The following OSBPL3 variants were observed in gnomAD, a reference collection of about 807,000 sequenced individuals.
OSBPL3 encodes oxysterol binding protein like 3, also known as oxysterol-binding protein-related protein 3.
In OSBPL3, 65 loss-of-function variants were observed where a neutral mutation model predicts 120.1. That is an observed-to-expected ratio of 0.54 (90% CI 0.44 to 0.67). The LOEUF is 0.67. Ranked by LOEUF, OSBPL3 falls within the 30% of genes least tolerant of loss-of-function variation. The pLI is 0.00. For synonymous variants in OSBPL3, 416 were observed against 402.6 expected (o/e 1.03, Z -0.40); for missense variants, 1,004 against 1,082.1 (o/e 0.93, Z 1.01).
intron 1 of OSBPL3, among the ~76,000 whole-genome samples, chr7:24,975,238 A>G (rs1817453844): frequency 6.6e-6 from 1 of 152,230 alleles, no homozygotes; most frequent in Non-Finnish European, 1.5e-5. Flanking sequence ...AATGATTACT[A>G]CATGTGTGAA....
In OSBPL3 at chr7:24,899,420, G is replaced by A. The variant is rs987559458; in HGVS notation, c.-149-6799C>T. On this transcript the variant is annotated intron_variant, in intron 1 of 22. Transcript: ENST00000313367. This position sits in a 1 kb window ranked among gnomAD's most constrained non-coding sequence, Gnocchi z 4.0. The stretch of plus-strand genomic sequence containing the variant: ...AGTTGGGCTTCCTTCTTTCTGAAGC[G>A]GACTCCTTTACTTCCTTTAACTAAA... Among the ~76,000 whole-genome samples the A allele has an allele frequency of 7.9e-5, 12 of 152,042 alleles. No homozygotes were observed. The highest frequency in any genetic ancestry group is 2.9e-4 in the African/African-American group (12 of 41,398).
At chr7:24,931,589 C>T (rs929326381) in intron 1 of OSBPL3, among the ~76,000 whole-genome samples, 9 of 152,102 alleles carry the variant, frequency 5.9e-5, no homozygotes, top group Middle Eastern at 3.2e-3. Context: ...TCCACAAAAG[C>T]CTCCAAAAGA....
chr7:24,801,943 C>G (rs1450185428), intron 22 of OSBPL3, among the ~76,000 whole-genome samples: 2 of 152,322 alleles, frequency 1.3e-5, no homozygotes, highest in South Asian at 2.1e-4. Flanking sequence ...TTTCTAAACT[C>G]TAGCTCGGCA....
At position 24,965,535 on chromosome 7, in the gene OSBPL3, G is replaced by A. The variant is rs948074439; in HGVS notation, c.-150+14351C>T. 2.0e-5 allele frequency among the ~76,000 whole-genome samples: 3 copies of A among 152,138 alleles called. No individual in the cohort carries two copies. The highest frequency in any genetic ancestry group is 2.0e-4 in the Admixed American group (3 of 15,274). ...CGGAATCAGAATGGACTCCAGGCTGGTTAAGACTTGGTCTTCTGCCTGCTG... is the reference window on the plus strand; with the variant it reads ...CGGAATCAGAATGGACTCCAGGCTGATTAAGACTTGGTCTTCTGCCTGCTG... On this transcript the variant is annotated intron_variant, in intron 1 of 22. Transcript: ENST00000313367. The surrounding 1 kb of genome is among the most constrained non-coding windows in gnomAD (Gnocchi z 4.3).
Position 24,870,394 on chromosome 7 carries a change from C to T in OSBPL3, c.381+338G>A, listed in dbSNP as rs532173944. Among the ~76,000 whole-genome samples, 7 of 152,256 alleles carry T rather than the reference C, an allele frequency of 4.6e-5. No individual in the cohort carries two copies. The South Asian group carries it at 6.2e-4, about 14-fold the overall frequency. ...ATGTTACATATATATTTCAGGAACA[C>T]GTTTTAACCTATGGTAAATGGTTCT... On this transcript the variant is annotated intron_variant, in intron 5 of 22. Transcript: ENST00000313367.
At chr7:24,979,505 T>C (rs1438876326) in intron 1 of OSBPL3, among the ~76,000 whole-genome samples, 1 of 152,090 alleles carries the variant, frequency 6.6e-6, no homozygotes, top group Admixed American at 6.5e-5. Flanking sequence ...CTCGCCCCAA[T>C]TTACCAGGCT....
chr7:24,886,220 T>C (rs191336669), intron 2 of OSBPL3, among the ~76,000 whole-genome samples: 1 of 152,302 alleles, frequency 6.6e-6, no homozygotes, highest in East Asian at 1.9e-4. Context: ...ATTTCGCAGC[T>C]AAAAAGCTTA....
At position 24,852,516 on chromosome 7, in the gene OSBPL3, G is replaced by T; in HGVS notation, c.1146C>A (p.Asn382Lys). ...SPSAQVIGLK[N>K]ALSSALAQNT... Reference sequence around the variant, plus strand: ...ACATGTAACTTACGGATGACAGGGCGTTCTTCAGACCAATGACCTGAGCAG... The same window carrying T: ...ACATGTAACTTACGGATGACAGGGCTTTCTTCAGACCAATGACCTGAGCAG... Residue 382 changes from asparagine to lysine, a missense_variant, in exon 11 of 23, where the codon AAC becomes AAA. Asn to Lys is a moderately conservative substitution (Grantham distance 94). This residue lies in a region of OSBPL3 where 272 missense variants were observed against 248.8 expected (regional missense o/e 1.09). Coordinates refer to ENST00000313367, the MANE Select transcript of OSBPL3 (RefSeq NM_015550.4). This position sits in a 1 kb window ranked among gnomAD's most constrained non-coding sequence, Gnocchi z 4.1. 3 of 1,582,442 alleles carry T rather than the reference G, an allele frequency of 1.9e-6. No individual in the cohort carries two copies. Among genetic ancestry groups the T allele is most frequent in the Non-Finnish European group, 2.6e-6 (3 of 1,171,018 alleles).
rs989628698 is a variant in OSBPL3, at chr7:24,797,108, G to A, written c.*3075C>T. On this transcript the variant is annotated 3_prime_UTR_variant, in exon 23 of 23. Coordinates refer to ENST00000313367, the MANE Select transcript of OSBPL3 (RefSeq NM_015550.4). The surrounding 1 kb of genome is among the most constrained non-coding windows in gnomAD (Gnocchi z 4.8). ...ATAACTTGTAGTGTATGTAGTAGGG[G>A]CTACATCAAGGTTCAACAGCCAAAT... 8.5e-5 allele frequency: 13 copies of A among 152,290 alleles called. No homozygotes were observed. The East Asian group carries it at 1.7e-3, about 20-fold the overall frequency. The allele number at this position is 152,290 out of a possible 1,614,324, so 9.4% of individuals were successfully genotyped here.
chr7:24,890,931 T>C (rs747363636), intron 2 of OSBPL3, among the ~76,000 whole-genome samples: 1 of 152,242 alleles, frequency 6.6e-6, no homozygotes, highest in Non-Finnish European at 1.5e-5. Context: ...AGAATTTCAT[T>C]GTACTGTTCC....
intron 1 of OSBPL3, among the ~76,000 whole-genome samples, chr7:24,903,949 C>A (rs1807457843): frequency 6.8e-6 from 1 of 146,570 alleles, no homozygotes; most frequent in Admixed American, 6.9e-5. Context: ...GTGGTGAGAT[C>A]TCGGCTCACT....
At chr7:24,887,842 T>C (rs1000391493) in intron 2 of OSBPL3, among the ~76,000 whole-genome samples, 1 of 152,182 alleles carries the variant, frequency 6.6e-6, no homozygotes, top group East Asian at 1.9e-4. Flanking sequence ...AAGAGATAGA[T>C]GCTGGCATAG....
rs1800943422 is a variant in OSBPL3 at position 24,863,897 on chromosome 7, C to T, written c.674-298G>A. 6.6e-6 allele frequency among the ~76,000 whole-genome samples: 1 copy of T among 152,172 alleles called. No homozygotes were observed. The highest frequency in any genetic ancestry group is 1.5e-5 in the Non-Finnish European group (1 of 68,030). On this transcript the variant is annotated intron_variant, in intron 7 of 22. Transcript: ENST00000313367. The surrounding 1 kb of genome is among the most constrained non-coding windows in gnomAD (Gnocchi z 5.8). ...CATCAGAAAGATGGGGATAATTATA[C>T]ATCACATGACAAGAGAGTTGTGAGA...
At chr7:24,875,241 G>C (rs1380234475) in intron 2 of OSBPL3, among the ~76,000 whole-genome samples, 1 of 152,216 alleles carries the variant, frequency 6.6e-6, no homozygotes, top group Admixed American at 6.5e-5. Flanking sequence ...GTAACTGAGG[G>C]AAGACTGTAT....
intron 1 of OSBPL3, among the ~76,000 whole-genome samples, chr7:24,929,959 C>A (rs972208172): frequency 3.9e-5 from 6 of 152,058 alleles, no homozygotes; most frequent in Admixed American, 2.0e-4. Flanking sequence ...GTAAAAAAAA[C>A]CAACCAAATC....
Position 24,916,918 on chromosome 7 carries a change from A to AACC in OSBPL3, c.-149-24298_-149-24297insGGT, listed in dbSNP as rs1554404704. On this transcript the variant is annotated intron_variant, in intron 1 of 22. Coordinates refer to ENST00000313367, the MANE Select transcript of OSBPL3 (RefSeq NM_015550.4). This position sits in a 1 kb window ranked among gnomAD's most constrained non-coding sequence, Gnocchi z 4.9. ...AGCCACTAAGACGTCTTCCATTTCC[A>AACC]CCCCCCCCAACCTTTTTAGAAAATT... Among the ~76,000 whole-genome samples, 34 of 145,594 alleles carry AACC rather than the reference A, an allele frequency of 2.3e-4. 2 individuals are homozygous for AACC. The highest frequency in any genetic ancestry group is 7.8e-4 in the African/African-American group (31 of 39,910).
chr7:24,979,782 G>T (rs1818057508), intron 1 of OSBPL3, 104 bp downstream of exon 1: 4 of 626,546 alleles, frequency 6.4e-6, no homozygotes, highest in Middle Eastern at 8.1e-4. Flanking sequence ...CCCCGGTCCG[G>T]CAGAGAACCG....
rs985556120 is a variant in OSBPL3, at chr7:24,947,901, T to C, written c.-150+31985A>G. Among the ~76,000 whole-genome samples the C allele has an allele frequency of 4.7e-4, 72 of 152,228 alleles. No individual in the cohort carries two copies. The highest frequency in any genetic ancestry group is 1.6e-3 in the African/African-American group (68 of 41,454). On this transcript the variant is annotated intron_variant, in intron 1 of 22. Transcript: ENST00000313367. This position sits in a 1 kb window ranked among gnomAD's most constrained non-coding sequence, Gnocchi z 4.4. ...ACAATATAATGTCCCCAAAGAGCTC[T>C]ATCCATTCACTGTGTGCCAAAGATG...
intron 5 of OSBPL3, among the ~76,000 whole-genome samples, chr7:24,869,139 A>T (rs889542990): frequency 6.6e-6 from 1 of 152,256 alleles, no homozygotes; most frequent in Admixed American, 6.5e-5. Flanking sequence ...AGAATGAACA[A>T]GAAACCAAAC....
Sources: gnomAD v4.1 joint callset for allele counts (sites outside exome capture counted in the v4.1 genomes callset) on GRCh38, gnomAD v4.1.1 for gene constraint, gnomAD v4.1.1 regional missense constraint, Gnocchi (gnomAD v3.1) non-coding constraint, MANE v1.5 for transcripts, NCBI Gene and HGNC (gene_info 2026-07-23, HGNC 2026-07-21) for gene names.